The following CBR4 variants were observed in gnomAD, a reference collection of about 807,000 sequenced individuals.
CBR4 encodes carbonyl reductase 4.
In CBR4, 22 loss-of-function variants were observed where a neutral mutation model predicts 21.0. The observed-to-expected ratio is 1.05, with a 90% confidence interval of 0.75 to 1.50. CBR4 has a LOEUF of 1.50. Among genes scored for constraint, CBR4 ranks in the 40% most tolerant of loss-of-function variants. The pLI is 0.00. For missense variants in CBR4, 302 were observed against 286.3 expected (o/e 1.05, Z -0.40); for synonymous variants, 100 against 104.4 (o/e 0.96, Z 0.26).
At chr4:168,932,645 A>G (rs1191573255) in intron 2 of CBR4, among the ~76,000 whole-genome samples, 3 of 152,206 alleles carry the variant, frequency 2.0e-5, no homozygotes, top group Admixed American at 1.3e-4. Flanking sequence ...AATTGTCAAA[A>G]GTCAAATACA....
intron 1 of CBR4, among the ~76,000 whole-genome samples, chr4:169,009,384 G>T (rs1376674852): frequency 6.6e-6 from 1 of 152,212 alleles, no homozygotes; most frequent in Non-Finnish European, 1.5e-5. Context: ...TAACATTAAA[G>T]CAAACCAGGT....
rs1326739419 is a variant in CBR4 at position 168,905,154 on chromosome 4, T to G, written n.170-10389A>C. 1.9e-4 allele frequency among the ~76,000 whole-genome samples: 26 copies of G among 135,644 alleles called. 1 individual carries two copies. The highest frequency in any genetic ancestry group is 5.1e-4 in the Admixed American group (7 of 13,772). The allele number at this position is 135,644 out of a possible 152,430, so 89.0% of individuals were successfully genotyped here. ...GTTTTGTTGGTTTTTTTTTTTTTTT[T>G]TTTTTTTTTTTTTTGAGATGGAATC... On this transcript the variant is annotated intron_variant and non_coding_transcript_variant, in intron 2 of 3. Transcript: ENST00000509108.
chr4:168,930,057 A>C (rs1477323928), intron 2 of CBR4, among the ~76,000 whole-genome samples: 1 of 152,180 alleles, frequency 6.6e-6, no homozygotes, highest in Admixed American at 6.5e-5. Context: ...TCCTAGTAAA[A>C]ATTATATTAC....
intron 2 of CBR4, among the ~76,000 whole-genome samples, chr4:168,916,563 A>C: frequency 6.6e-6 from 1 of 152,132 alleles, no homozygotes. Flanking sequence ...AGGAGGTTTT[A>C]TTTATCCCTT....
intron 3 of CBR4, chr4:169,005,761 T>C: frequency 1.7e-6 from 1 of 574,644 alleles, no homozygotes; most frequent in South Asian, 1.7e-5. Flanking sequence ...ATGTCCAAAA[T>C]GCTCTCATGT....
At chr4:168,922,381 T>C (rs1761760621) in intron 2 of CBR4, among the ~76,000 whole-genome samples, 1 of 152,212 alleles carries the variant, frequency 6.6e-6, no homozygotes, top group Admixed American at 6.5e-5. Flanking sequence ...AAAACATTTA[T>C]TTCTTCTACC....
intron 2 of CBR4, chr4:168,926,686 A>G: frequency 2.9e-6 from 1 of 350,044 alleles, no homozygotes; most frequent in Non-Finnish European, 5.3e-6. Flanking sequence ...TTCACAGGTA[A>G]CTACAATTTG....
At chr4:168,976,558 G>A (rs1319341355) in intron 2 of CBR4, among the ~76,000 whole-genome samples, 1 of 152,192 alleles carries the variant, frequency 6.6e-6, no homozygotes, top group East Asian at 1.9e-4. Context: ...GGTGGATCTT[G>A]TAGTACATTC....
rs1026365999 is a variant in CBR4, at chr4:168,967,435, A to G, written n.169+34636T>C. 2.0e-5 allele frequency among the ~76,000 whole-genome samples: 3 copies of G among 152,200 alleles called. No individual in the cohort carries two copies. In the East Asian group the frequency reaches 5.8e-4, roughly 29 times the overall value. ...ACGAGTTGATGCGTCCAGCAAACCA[A>G]CATGGCACATGTATACCTATGTAAC... On this transcript the variant is annotated intron_variant and non_coding_transcript_variant, in intron 2 of 3. Coordinates refer to the CBR4 transcript ENST00000509108.
intron 2 of CBR4, among the ~76,000 whole-genome samples, chr4:168,940,888 T>C (rs1230460354): frequency 6.6e-6 from 1 of 152,204 alleles, no homozygotes; most frequent in African/African-American, 2.4e-5. Flanking sequence ...CTCAAGGATC[T>C]AGAACCAGAA....
chr4:168,939,349 C>T (rs555017764), intron 2 of CBR4, among the ~76,000 whole-genome samples: 8 of 152,090 alleles, frequency 5.3e-5, no homozygotes, highest in South Asian at 2.1e-4. Context: ...TCATACTGAA[C>T]GGGAAAAAGC....
intron 4 of CBR4, among the ~76,000 whole-genome samples, chr4:168,997,886 T>C (rs1224734882): frequency 6.6e-6 from 1 of 152,110 alleles, no homozygotes; most frequent in African/African-American, 2.4e-5. Context: ...ACCCAACACT[T>C]TTCTAAGGGA....
At chr4:168,914,618 G>C (rs1280017435) in intron 2 of CBR4, among the ~76,000 whole-genome samples, 1 of 146,092 alleles carries the variant, frequency 6.8e-6, no homozygotes, top group African/African-American at 2.8e-5. Flanking sequence ...CAGAGATAGA[G>C]AAAGGATTAT....
chr4:168,926,545 AGTTT>A lies in CBR4; in HGVS notation n.170-31784_170-31781del, dbSNP rs1457571631. ...TTTTCTTACTTGATATACCAAACTT[AGTTT>A]AAGTAGATAATGCTAATACAAATAT... On this transcript the variant is annotated intron_variant and non_coding_transcript_variant, in intron 2 of 3. Coordinates refer to the CBR4 transcript ENST00000509108. 7.6e-5 allele frequency: 44 copies of A among 575,472 alleles called. No homozygotes were observed. In the East Asian group the frequency reaches 1.2e-3, roughly 16 times the overall value. 35.6% of individuals were successfully genotyped at this position (575,472 alleles called of 1,614,324 possible). A position where few individuals can be genotyped will look rare whatever the true frequency, so the allele number is the denominator to read the frequency against.
intron 4 of CBR4, among the ~76,000 whole-genome samples, chr4:168,999,291 G>A (rs1405717808): frequency 6.6e-6 from 1 of 152,062 alleles, no homozygotes; most frequent in Non-Finnish European, 1.5e-5. Context: ...GACATAAAAG[G>A]ACACATATTT....
chr4:168,980,153 C>G (rs1191992793), intron 2 of CBR4, among the ~76,000 whole-genome samples: 3 of 151,940 alleles, frequency 2.0e-5, no homozygotes, highest in Non-Finnish European at 4.4e-5. Flanking sequence ...GGAAAGAGAA[C>G]AAAAAGTCTG....
intron 4 of CBR4, among the ~76,000 whole-genome samples, chr4:168,999,540 T>C (rs774443191): frequency 1.3e-5 from 2 of 151,458 alleles, no homozygotes; most frequent in Non-Finnish European, 2.9e-5. Flanking sequence ...GTAGTATAAA[T>C]TGCACTGGAA....
chr4:169,006,404 G>T (rs957931952), intron 3 of CBR4, among the ~76,000 whole-genome samples: 2 of 152,042 alleles, frequency 1.3e-5, no homozygotes, highest in Admixed American at 6.6e-5. Context: ...CAAAATTGCT[G>T]GCAAAACTGG....
intron 2 of CBR4, among the ~76,000 whole-genome samples, chr4:168,917,444 C>T (rs751441172): frequency 2.0e-5 from 3 of 152,272 alleles, no homozygotes; most frequent in African/African-American, 7.2e-5. Flanking sequence ...TGTAAGATAA[C>T]GTTCATCCAT....
Sources: allele counts gnomAD v4.1 joint callset (sites outside exome capture counted in the v4.1 genomes callset), GRCh38; gene constraint gnomAD v4.1.1; transcripts MANE v1.5; gene names NCBI Gene and HGNC (gene_info 2026-07-23, HGNC 2026-07-21).